ATP6V1H: variants seen among roughly 807,000 people sequenced by gnomAD.
The protein encoded by ATP6V1H is ATPase H+ transporting V1 subunit H, also known as V-type proton ATPase subunit H.
In ATP6V1H, 39 loss-of-function variants were observed where a neutral mutation model predicts 71.7. That is an observed-to-expected ratio of 0.54 (90% CI 0.42 to 0.71). The LOEUF is 0.71. Among genes scored for constraint, ATP6V1H ranks in the 30% least tolerant of loss-of-function variants. The probability of loss-of-function intolerance (pLI) is 0.00; values close to 1 mark genes in which losing one functional copy is unlikely to be tolerated. For missense variants in ATP6V1H, 509 were observed against 594.9 expected (o/e 0.86, Z 1.50); for synonymous variants, 192 against 199.3 (o/e 0.96, Z 0.31).
At chr8:53,805,141 A>C (rs1810039916) in intron 7 of ATP6V1H, among the ~76,000 whole-genome samples, 1 of 152,262 alleles carries the variant, frequency 6.6e-6, no homozygotes, top group Non-Finnish European at 1.5e-5. Flanking sequence ...CATCTTCATA[A>C]TGCTAGGATT....
At chr8:53,724,573 T>TCCCTCCTCCCCCCTCC (rs1554553139) in intron 13 of ATP6V1H, among the ~76,000 whole-genome samples, 5 of 102,462 alleles carry the variant, frequency 4.9e-5, no homozygotes, top group Non-Finnish European at 8.1e-5. Context: ...GGAACACCCC[T>TCCCTCCTCCCCCCTCC]CCCTCCTCCC....
At chr8:53,765,828 T>A (rs1458647110) in intron 11 of ATP6V1H, among the ~76,000 whole-genome samples, 1 of 152,176 alleles carries the variant, frequency 6.6e-6, no homozygotes, top group Non-Finnish European at 1.5e-5. Context: ...AGACTCAGAA[T>A]GGCCAGCACA....
chr8:53,814,874 T>G (rs1810396387), intron 5 of ATP6V1H, 108 bp from the exon 6 acceptor site: 1 of 623,806 alleles, frequency 1.6e-6, no homozygotes. Context: ...TTCTTAACAC[T>G]CAACCCCTCT....
intron 2 of ATP6V1H, among the ~76,000 whole-genome samples, chr8:53,836,193 G>A (rs1811156496): frequency 6.6e-6 from 1 of 152,052 alleles, no homozygotes; most frequent in South Asian, 2.1e-4. Context: ...TGATAAACCT[G>A]AACTTCCTAG....
At chr8:53,722,260 G>A (rs971976417) in intron 13 of ATP6V1H, among the ~76,000 whole-genome samples, 1 of 152,202 alleles carries the variant, frequency 6.6e-6, no homozygotes, top group Non-Finnish European at 1.5e-5. Context: ...GTGTGGTTAT[G>A]ATGGGCAGGC....
At chr8:53,842,215 G>A (rs1455194856) in intron 1 of ATP6V1H, among the ~76,000 whole-genome samples, 3 of 152,082 alleles carry the variant, frequency 2.0e-5, no homozygotes, top group Non-Finnish European at 4.4e-5. Context: ...ACACAAAGTG[G>A]GAACATAATT....
chr8:53,786,745 T>A (rs186049539), intron 9 of ATP6V1H, among the ~76,000 whole-genome samples: 1 of 152,328 alleles, frequency 6.6e-6, no homozygotes, highest in Admixed American at 6.5e-5. Flanking sequence ...ACAAATCCAG[T>A]ATAAACATCA....
intron 10 of ATP6V1H, 36 bp from the exon 11 acceptor site, chr8:53,769,779 G>C: frequency 6.5e-7 from 1 of 1,539,260 alleles, no homozygotes; most frequent in Non-Finnish European, 8.8e-7. Flanking sequence ...AGGTTTATAA[G>C]AATCTGACAG....
Position 53,743,687 on chromosome 8 carries a change from G to A in ATP6V1H, c.1281C>T (p.Val427=), listed in dbSNP as rs752876085. Residue 427 remains valine, a synonymous_variant, in exon 13 of 14, where the codon GTC becomes GTT. Transcript: ENST00000359530. Reference sequence around the variant, plus strand: ...GCTGCTTCCCACCGAGCTGCTCGATGACCCTGCAAACGGGAGAGACGTGGT... The same window carrying A: ...GCTGCTTCCCACCGAGCTGCTCGATAACCCTGCAAACGGGAGAGACGTGGT... ...YVRHYPRGKR[V]IEQLGGKQLV... 6.7e-5 allele frequency: 108 copies of A among 1,605,932 alleles called. No individual in the cohort carries two copies. In the Admixed American group the frequency reaches 1.8e-3, roughly 26 times the overall value.
intron 13 of ATP6V1H, among the ~76,000 whole-genome samples, chr8:53,724,171 C>A (rs964445930): frequency 9.2e-5 from 14 of 152,266 alleles, no homozygotes; most frequent in African/African-American, 3.4e-4. Flanking sequence ...GATTACAAGA[C>A]TTTTCTCAAA....
intron 8 of ATP6V1H, 96 bp downstream of exon 8, chr8:53,801,698 AAAAAT>A (rs1809914644): frequency 9.7e-7 from 1 of 1,025,906 alleles, no homozygotes; most frequent in Non-Finnish European, 1.4e-6. Context: ...CAGATATGAA[AAAAAT>A]AAAATATTTC....
chr8:53,749,445 G>A (rs1407665285), intron 12 of ATP6V1H, among the ~76,000 whole-genome samples: 7 of 152,090 alleles, frequency 4.6e-5, no homozygotes, highest in Non-Finnish European at 1.0e-4. Flanking sequence ...GTTTCAGCTC[G>A]GCCCTTGACC....
Position 53,756,653 on chromosome 8 carries a change from G to T in ATP6V1H, c.1179C>A (p.Ile393=). 1 of 1,611,386 alleles carries T rather than the reference G, an allele frequency of 6.2e-7. No individual in the cohort carries two copies. The highest frequency in any genetic ancestry group is 8.5e-7 in the Non-Finnish European group (1 of 1,177,888). Residue 393 remains isoleucine (I), a synonymous_variant, in exon 12 of 14, where the codon ATC becomes ATA. Transcript: ENST00000359530. ...CTGACACTTCCAAAAGTTTTGTCAA[G>T]ATTCTGAAATAAATTTTATCCAAAG... is the stretch of plus-strand genomic sequence containing the variant. ...LNEKNYELLK[I]LTKLLEVSDD... is the part of the protein sequence containing the mutation.
At chr8:53,782,856 G>A (rs902551142) in intron 9 of ATP6V1H, among the ~76,000 whole-genome samples, 848 of 152,122 alleles carry the variant, frequency 5.6e-3, no homozygotes, top group South Asian at 0.016. Context: ...ATTGATTTTC[G>A]TATGTTGAAC....
intron 13 of ATP6V1H, among the ~76,000 whole-genome samples, chr8:53,717,046 A>G (rs2130060515): frequency 6.6e-6 from 1 of 152,336 alleles, no homozygotes; most frequent in East Asian, 1.9e-4. Context: ...GGCTGCAAGC[A>G]TCAGGTACAC....
At chr8:53,818,391 T>A (rs1405184218) in intron 4 of ATP6V1H, among the ~76,000 whole-genome samples, 1 of 152,204 alleles carries the variant, frequency 6.6e-6, no homozygotes, top group Non-Finnish European at 1.5e-5. Context: ...AAACAAAAAA[T>A]TCCTATTTTC....
At chr8:53,753,193 A>G (rs1180259502) in intron 12 of ATP6V1H, among the ~76,000 whole-genome samples, 1 of 152,116 alleles carries the variant, frequency 6.6e-6, no homozygotes, top group Non-Finnish European at 1.5e-5. Context: ...AAAGTAAGTT[A>G]TGCTGGTGAG....
At chr8:53,760,152 T>G (rs1395264907) in intron 11 of ATP6V1H, among the ~76,000 whole-genome samples, 1 of 152,224 alleles carries the variant, frequency 6.6e-6, no homozygotes, top group Non-Finnish European at 1.5e-5. Flanking sequence ...AGAAAACACC[T>G]GAAGCTGGTG....
intron 13 of ATP6V1H, among the ~76,000 whole-genome samples, chr8:53,732,085 C>A (rs961963297): frequency 2.0e-5 from 3 of 152,194 alleles, no homozygotes; most frequent in Non-Finnish European, 4.4e-5. Context: ...CCTTTATTGG[C>A]ACTTTGGTTT....
Sources: gnomAD v4.1 joint callset for allele counts (sites outside exome capture counted in the v4.1 genomes callset) on GRCh38, gnomAD v4.1.1 for gene constraint, MANE v1.5 for transcripts, NCBI Gene and HGNC (gene_info 2026-07-23, HGNC 2026-07-21) for gene names.